Variants in ANKRD16 observed in about 807,000 individuals in gnomAD.
ANKRD16 encodes ankyrin repeat domain-containing protein 16.
In ANKRD16, 35 loss-of-function variants were observed where a neutral mutation model predicts 37.9. The ratio of observed to expected loss-of-function variants is 0.92; its 90% CI spans 0.71 to 1.23. The LOEUF is 1.23. Among genes scored for constraint, ANKRD16 ranks in the 50% most tolerant of loss-of-function variants. ANKRD16 has a pLI of 0.00. For missense variants in ANKRD16, 480 were observed against 469.9 expected (o/e 1.02, Z -0.20); for synonymous variants, 206 against 197.2 (o/e 1.04, Z -0.37).
rs149627078 is a variant in ANKRD16, at chr10:5,877,850, C to T, written c.*33+247G>A. On this transcript the variant is annotated intron_variant, in intron 7 of 7. Coordinates refer to ENST00000380094, the MANE Select transcript of ANKRD16 (RefSeq NM_019046.3). ...GGATCCCACAGCCTGATCGCGCAAA[C>T]GTTATCTATTCTACTTTAAGAGTAC... Among the ~76,000 whole-genome samples, 247 of 152,320 alleles carry T rather than the reference C, an allele frequency of 1.6e-3. 2 individuals carry two copies. The highest frequency in any genetic ancestry group is 5.5e-3 in the African/African-American group (230 of 41,580).
At chr10:5,888,767 A>T (rs112540273) in intron 1 of ANKRD16, among the ~76,000 whole-genome samples, 5,719 of 152,292 alleles carry the variant, frequency 0.038, 295 homozygotes, top group African/African-American at 0.11. Context: ...GTTTGGTAAC[A>T]TTCTCTTTGG....
In ANKRD16 at chr10:5,883,847, G is replaced by A; in HGVS notation, c.687+122C>T. On this transcript the variant is annotated intron_variant, in intron 4 of 7. Coordinates refer to ENST00000380094, the MANE Select transcript of ANKRD16 (RefSeq NM_019046.3). ...CTTAAAGAGGTCACCAAGTTCCAGA[G>A]AGAGAGTTTGGAGGGGCTGGGGAAT... The A allele has an allele frequency of 3.9e-6, 3 of 759,870 alleles. No individual in the cohort carries two copies. The South Asian group carries it at 5.5e-5, about 14-fold the overall frequency. 47.1% of individuals were successfully genotyped at this position (759,870 alleles called of 1,614,324 possible).
chr10:5,889,431 G>A lies in ANKRD16; in HGVS notation c.-77C>T. 9.5e-7 allele frequency: 1 copy of A among 1,056,724 alleles called. No individual in the cohort carries two copies. Among genetic ancestry groups the A allele is most frequent in the Non-Finnish European group, 1.2e-6 (1 of 852,870 alleles). The allele number at this position is 1,056,724 out of a possible 1,614,324, so 65.5% of individuals were successfully genotyped here. On this transcript the variant is annotated 5_prime_UTR_variant, in exon 1 of 8. Coordinates refer to ENST00000380094, the MANE Select transcript of ANKRD16 (RefSeq NM_019046.3). ...GGCCGGGCAGGGAGAAGCCGAGGGCGAGTGGGACTTTCCGCCTCTTCACGC... is the reference window on the plus strand; with the variant it reads ...GGCCGGGCAGGGAGAAGCCGAGGGCAAGTGGGACTTTCCGCCTCTTCACGC...
chr10:5,877,058 C>T (rs1444212438), intron 7 of ANKRD16, among the ~76,000 whole-genome samples: 1 of 152,184 alleles, frequency 6.6e-6, no homozygotes, highest in Non-Finnish European at 1.5e-5. Flanking sequence ...AGACAAAACC[C>T]CATTCTTAAA....
intron 6 of ANKRD16, 89 bp downstream of exon 6, chr10:5,880,209 G>C: frequency 4.3e-6 from 1 of 231,954 alleles, no homozygotes; most frequent in Non-Finnish European, 7.6e-6. Context: ...AAAAAAGGAA[G>C]AATATTAAAA....
intron 7 of ANKRD16, among the ~76,000 whole-genome samples, chr10:5,872,832 A>AG (rs1266843333): frequency 2.0e-5 from 3 of 151,358 alleles, no homozygotes; most frequent in Non-Finnish European, 4.4e-5. Context: ...CTGGCATTAC[A>AG]GGCGTGAGCC....
chr10:5,863,068 T>C lies in ANKRD16; in HGVS notation c.*34-377A>G, dbSNP rs907142537. On this transcript the variant is annotated intron_variant, in intron 7 of 7. Transcript: ENST00000380094. The surrounding 1 kb of genome is among the most constrained non-coding windows in gnomAD (Gnocchi z 4.7). ...GGACAGGGACCCTCAGCTGCTGCTA[T>C]ACAGCCAGTGATCCTGCCACGTCCC... Among the ~76,000 whole-genome samples, 1 of 152,120 alleles carries C rather than the reference T, an allele frequency of 6.6e-6. No individual in the cohort carries two copies. Among genetic ancestry groups the C allele is most frequent in the African/African-American group, 2.4e-5 (1 of 41,406 alleles).
chr10:5,886,709 T>C (rs555027512), intron 2 of ANKRD16, among the ~76,000 whole-genome samples: 9 of 152,364 alleles, frequency 5.9e-5, no homozygotes, highest in South Asian at 2.1e-4. Context: ...AGTTATATTC[T>C]GAATTTCTTA....
chr10:5,882,940 G>T, intron 5 of ANKRD16, 66 bp downstream of exon 5: 2 of 1,547,184 alleles, frequency 1.3e-6, no homozygotes, highest in Non-Finnish European at 1.8e-6. Flanking sequence ...AGGCTGCAGA[G>T]CTACTGATCA....
Position 5,889,281 on chromosome 10 carries a change from T to A in ANKRD16, c.74A>T (p.Glu25Val), listed in dbSNP as rs1842543511. Reference sequence around the variant, plus strand: ...CGGGCAGCCCCCGGCCGCCTGCAGCTCCTCCTTCAGGGCGCGCAGCCGGCC... The same window carrying A: ...CGGGCAGCCCCCGGCCGCCTGCAGCACCTCCTTCAGGGCGCGCAGCCGGCC... ...QEGRLRALKE[E>V]LQAAGGCPGP... The change falls in exon 1 of 8, where the codon GAG (glutamate) becomes GTG (valine). Residue 25 changes from glutamate to valine, a missense_variant. Coordinates refer to ENST00000380094, the MANE Select transcript of ANKRD16 (RefSeq NM_019046.3). 2 of 1,428,366 alleles carry A rather than the reference T, an allele frequency of 1.4e-6. No homozygotes were observed. Among genetic ancestry groups the A allele is most frequent in the East Asian group, 5.7e-5 (2 of 34,850 alleles). The allele number at this position is 1,428,366 out of a possible 1,614,324, so 88.5% of individuals were successfully genotyped here.
rs773643759 is a variant in ANKRD16 at position 5,889,260 on chromosome 10, C to G, written c.95G>C (p.Cys32Ser). The G allele has an allele frequency of 4.9e-4, 735 of 1,493,098 alleles. No individual in the cohort carries two copies. Among genetic ancestry groups the G allele is most frequent in the Non-Finnish European group, 6.0e-4 (677 of 1,130,432 alleles). The allele number at this position is 1,493,098 out of a possible 1,614,324, so 92.5% of individuals were successfully genotyped here. A position where few individuals can be genotyped will look rare whatever the true frequency, so the allele number is the denominator to read the frequency against. Reference sequence around the variant, plus strand: ...GAGGGTATCCCCGGCCGGCCCCGGGCAGCCCCCGGCCGCCTGCAGCTCCTC... The same window carrying G: ...GAGGGTATCCCCGGCCGGCCCCGGGGAGCCCCCGGCCGCCTGCAGCTCCTC... ...LKEELQAAGGCPGPAGDTLLH... is the reference protein window; with the variant it reads ...LKEELQAAGGSPGPAGDTLLH... Residue 32 changes from cysteine to serine, a missense_variant, in exon 1 of 8, where the codon TGC (cysteine) becomes TCC (serine). Cys to Ser is a moderately radical substitution (Grantham distance 112, BLOSUM62 -1). Transcript: ENST00000380094.
intron 3 of ANKRD16, among the ~76,000 whole-genome samples, chr10:5,885,279 C>T (rs947143806): frequency 6.6e-6 from 1 of 151,986 alleles, no homozygotes; most frequent in African/African-American, 2.4e-5. Context: ...CTCTTGGGTT[C>T]ACGCCATTCT....
At chr10:5,879,039 T>C (rs1353236169) in intron 6 of ANKRD16, among the ~76,000 whole-genome samples, 3 of 152,200 alleles carry the variant, frequency 2.0e-5, no homozygotes, top group African/African-American at 7.2e-5. Flanking sequence ...CTGAGGTTCC[T>C]GGTGTGCTGA....
rs1022111835 is a variant in ANKRD16 at position 5,878,732 on chromosome 10, C to T, written c.929-445G>A. Among the ~76,000 whole-genome samples, 1 of 148,736 alleles carries T rather than the reference C, an allele frequency of 6.7e-6. No homozygotes were observed. Among genetic ancestry groups the T allele is most frequent in the African/African-American group, 2.5e-5 (1 of 40,330 alleles). The stretch of plus-strand genomic sequence containing the variant: ...AAAATCGCTTGAACCCAGGAGGTGG[C>T]GGTTGCAGTGAGCACTGCACGCCAG... On this transcript the variant is annotated intron_variant, in intron 6 of 7. Transcript: ENST00000380094. The surrounding 1 kb of genome is among the most constrained non-coding windows in gnomAD (Gnocchi z 5.1).
At chr10:5,867,913 T>G (rs1412483853) in intron 7 of ANKRD16, among the ~76,000 whole-genome samples, 1 of 152,218 alleles carries the variant, frequency 6.6e-6, no homozygotes, top group East Asian at 1.9e-4. Flanking sequence ...TCCTCACTGC[T>G]GAGAAAGGAG....
rs1052992352 is a variant in ANKRD16, at chr10:5,878,979, C to CA, written c.929-693dup. Reference sequence around the variant, plus strand: ...ATATCACCACAAATAATCACGTAGCCAAAAAAACACTTTTGAACAAGCTTC... The same window carrying CA: ...ATATCACCACAAATAATCACGTAGCCAAAAAAAACACTTTTGAACAAGCTTC... On this transcript the variant is annotated intron_variant, in intron 6 of 7. Coordinates refer to ENST00000380094, the MANE Select transcript of ANKRD16 (RefSeq NM_019046.3). The surrounding 1 kb of genome is among the most constrained non-coding windows in gnomAD (Gnocchi z 5.1). Among the ~76,000 whole-genome samples, 1 of 151,964 alleles carries CA rather than the reference C, an allele frequency of 6.6e-6. No homozygotes were observed. Among genetic ancestry groups the CA allele is most frequent in the South Asian group, 2.1e-4 (1 of 4,814 alleles).
rs538877200 is a variant in ANKRD16, at chr10:5,868,813, C to T, written c.*34-6122G>A. ...TTAAGTCAGCAAGACCACGAACCCA[C>T]CAGGAGGAACAAACAACTCTGAATG... is the stretch of plus-strand genomic sequence containing the variant. On this transcript the variant is annotated intron_variant, in intron 7 of 7. Transcript: ENST00000380094. This position sits in a 1 kb window ranked among gnomAD's most constrained non-coding sequence, Gnocchi z 4.9. 1.4e-3 allele frequency among the ~76,000 whole-genome samples: 218 copies of T among 152,324 alleles called. 2 individuals carry two copies. The highest frequency in any genetic ancestry group is 5.1e-3 in the African/African-American group (214 of 41,572).
At chr10:5,884,196 GCT>G (rs1842374132) in intron 3 of ANKRD16, 119 bp from the exon 4 acceptor site, 5 of 702,530 alleles carry the variant, frequency 7.1e-6, no homozygotes, top group Non-Finnish European at 1.2e-5. Flanking sequence ...TGAGCATGGA[GCT>G]CTCTCTATTC....
rs556252417 is a variant in ANKRD16 at position 5,872,119 on chromosome 10, A to C, written c.*33+5978T>G. Among the ~76,000 whole-genome samples the C allele has an allele frequency of 1.4e-4, 21 of 152,312 alleles. No individual in the cohort carries two copies. The South Asian group carries it at 4.4e-3, about 32-fold the overall frequency. ...CTCAATATGGACAGTAATACGATGG[A>C]GCATAAGACGGCCATGAAACACGAC... On this transcript the variant is annotated intron_variant, in intron 7 of 7. Coordinates refer to ENST00000380094, the MANE Select transcript of ANKRD16 (RefSeq NM_019046.3).
Sources: gnomAD v4.1 joint callset for allele counts (sites outside exome capture counted in the v4.1 genomes callset) on GRCh38, gnomAD v4.1.1 for gene constraint, Gnocchi (gnomAD v3.1) non-coding constraint, MANE v1.5 for transcripts, NCBI Gene and HGNC (gene_info 2026-07-23, HGNC 2026-07-21) for gene names.